The following R3HCC1L variants were observed in gnomAD, a reference collection of about 807,000 sequenced individuals.
The protein encoded by R3HCC1L is coiled-coil domain-containing protein R3HCC1L.
In R3HCC1L, 51 loss-of-function variants were observed where a neutral mutation model predicts 59.9. That is an observed-to-expected ratio of 0.85 (90% CI 0.68 to 1.07). The LOEUF (loss-of-function observed/expected upper bound fraction) is 1.07. Among genes scored for constraint, R3HCC1L ranks in the 50% least tolerant of loss-of-function variants. R3HCC1L has a pLI of 0.00. For synonymous variants in R3HCC1L, 322 were observed against 315.2 expected (o/e 1.02, Z -0.23); for missense variants, 965 against 933.0 (o/e 1.03, Z -0.45).
Position 98,244,137 on chromosome 10 carries a change from C to G in R3HCC1L, c.2316C>G (p.Gly772=), listed in dbSNP as rs1857852783. The part of the protein sequence containing the change: ...EAKQREDIWE[G]RDQSTV Reference sequence around the variant, plus strand: ...AGCAACGGGAAGACATCTGGGAAGGCAGAGACCAGTCTACAGTTTGAACAT... The same window carrying G: ...AGCAACGGGAAGACATCTGGGAAGGGAGAGACCAGTCTACAGTTTGAACAT... The change falls in exon 10 of 10, where the codon GGC becomes GGG. Residue 772 remains glycine, a synonymous_variant. Transcript: ENST00000298999. The G allele has an allele frequency of 1.9e-6, 3 of 1,613,812 alleles. No homozygotes were observed. Among genetic ancestry groups the G allele is most frequent in the Non-Finnish European group, 2.5e-6 (3 of 1,179,846 alleles).
chr10:98,139,576 G>A (rs1844929194), intron 1 of R3HCC1L, among the ~76,000 whole-genome samples: 1 of 152,222 alleles, frequency 6.6e-6, no homozygotes, highest in Non-Finnish European at 1.5e-5. Context: ...GAGCCCAGCA[G>A]GATGGATGAA....
At chr10:98,222,549 G>A (rs1305043506) in intron 5 of R3HCC1L, among the ~76,000 whole-genome samples, 54 of 152,058 alleles carry the variant, frequency 3.6e-4, no homozygotes, top group South Asian at 3.1e-3. Flanking sequence ...TTTGAAATAC[G>A]TCCCATCAAT....
intron 5 of R3HCC1L, among the ~76,000 whole-genome samples, chr10:98,225,797 T>A (rs1470970482): frequency 6.6e-6 from 1 of 152,176 alleles, no homozygotes; most frequent in Non-Finnish European, 1.5e-5. Context: ...CAAAGGAGCA[T>A]AATCAAATTT....
rs568717900 is a variant in R3HCC1L, at chr10:98,148,500, C to G, written c.-267-7593C>G. ...GAAAGGCTTTCAGTTTTTCCCTATT[C>G]AGTGTGGTATTAGCTGTGGGTTTGT... On this transcript the variant is annotated intron_variant, in intron 1 of 9. Coordinates refer to ENST00000298999, the MANE Select transcript of R3HCC1L (RefSeq NM_001351015.2). Among the ~76,000 whole-genome samples the G allele has an allele frequency of 1.2e-3, 188 of 152,186 alleles. 1 individual carries two copies. Among genetic ancestry groups the G allele is most frequent in the African/African-American group, 4.4e-3 (183 of 41,544 alleles).
intron 4 of R3HCC1L, among the ~76,000 whole-genome samples, chr10:98,207,726 C>T (rs943991919): frequency 4.6e-5 from 7 of 151,796 alleles, no homozygotes; most frequent in Admixed American, 1.3e-4. Context: ...AAAAAAAGGC[C>T]GGGCACAGTG....
intron 5 of R3HCC1L, among the ~76,000 whole-genome samples, chr10:98,226,455 G>A (rs915741127): frequency 6.6e-6 from 1 of 152,328 alleles, no homozygotes; most frequent in South Asian, 2.1e-4. Context: ...ATCTACTGGA[G>A]AACTTAATAT....
chr10:98,236,697 T>A (rs1253957579), intron 9 of R3HCC1L, among the ~76,000 whole-genome samples: 1 of 152,232 alleles, frequency 6.6e-6, no homozygotes, highest in Non-Finnish European at 1.5e-5. Context: ...GTCTTCTGAT[T>A]ATTTTCCAGT....
At chr10:98,165,428 A>T (rs1847845312) in intron 4 of R3HCC1L, among the ~76,000 whole-genome samples, 1 of 152,178 alleles carries the variant, frequency 6.6e-6, no homozygotes, top group Admixed American at 6.5e-5. Flanking sequence ...CTTTTCCAGG[A>T]ATTATTATAG....
chr10:98,225,374 A>G (rs751052870), intron 5 of R3HCC1L, among the ~76,000 whole-genome samples: 10 of 152,054 alleles, frequency 6.6e-5, no homozygotes, highest in Non-Finnish European at 1.5e-4. Context: ...TCTCCCTTTT[A>G]TGCCACAAAT....
intron 5 of R3HCC1L, among the ~76,000 whole-genome samples, chr10:98,215,056 G>A (rs1193433229): frequency 2.6e-5 from 4 of 152,128 alleles, no homozygotes; most frequent in African/African-American, 9.7e-5. Context: ...TTCTAGCCCT[G>A]CGCTCTTTCC....
Position 98,208,956 on chromosome 10 carries a change from G to C in R3HCC1L, c.842G>C (p.Cys281Ser), listed in dbSNP as rs1853141126. Residue 281 changes from cysteine to serine, a missense_variant, in exon 5 of 10, where the codon TGC (cysteine) becomes TCC (serine). Transcript: ENST00000298999. ...CCAGATGGTGTCTTTGATCAAACTT[G>C]CGTAGATTTTGAAGTTGAGAGTGTA... ...GSPDGVFDQT[C>S]VDFEVESVGG... 17 of 1,613,956 alleles carry C rather than the reference G, an allele frequency of 1.1e-5. No homozygotes were observed. The highest frequency in any genetic ancestry group is 1.4e-5 in the Non-Finnish European group (16 of 1,179,976).
intron 4 of R3HCC1L, among the ~76,000 whole-genome samples, chr10:98,198,349 A>T (rs1244203015): frequency 1.3e-5 from 2 of 152,146 alleles, no homozygotes; most frequent in South Asian, 2.1e-4. Flanking sequence ...CCATGCCTTT[A>T]CAAATGGACA....
chr10:98,175,586 T>C (rs1441855605), intron 4 of R3HCC1L, among the ~76,000 whole-genome samples: 1 of 152,190 alleles, frequency 6.6e-6, no homozygotes, highest in Non-Finnish European at 1.5e-5. Context: ...ATAAATGATT[T>C]TGAGCATCTT....
At chr10:98,210,038 A>G (rs1286217512) in intron 5 of R3HCC1L, 139 bp downstream of exon 5, 2 of 650,502 alleles carry the variant, frequency 3.1e-6, no homozygotes, top group East Asian at 5.6e-5. Flanking sequence ...GATTAAGAAG[A>G]GAATATCTGA....
At chr10:98,199,665 T>G (rs1851832169) in intron 4 of R3HCC1L, among the ~76,000 whole-genome samples, 1 of 152,056 alleles carries the variant, frequency 6.6e-6, no homozygotes, top group Admixed American at 6.5e-5. Flanking sequence ...TTGAGAAAAT[T>G]AGTATTTGGA....
At chr10:98,190,235 A>T (rs1018845533) in intron 4 of R3HCC1L, among the ~76,000 whole-genome samples, 1 of 152,224 alleles carries the variant, frequency 6.6e-6, no homozygotes, top group Non-Finnish European at 1.5e-5. Context: ...TTGAATCCAT[A>T]GACCCATGGA....
At chr10:98,231,027 A>G in intron 5 of R3HCC1L, 1 of 423,768 alleles carries the variant, frequency 2.4e-6, no homozygotes. Context: ...CCTTTAATAC[A>G]TTCAACAAAA....
At chr10:98,169,641 G>A (rs1191507995) in intron 4 of R3HCC1L, among the ~76,000 whole-genome samples, 1 of 152,182 alleles carries the variant, frequency 6.6e-6, no homozygotes, top group Non-Finnish European at 1.5e-5. Flanking sequence ...ATATGTCATT[G>A]TTCTCTTGGG....
At chr10:98,148,764 T>C (rs1466709923) in intron 1 of R3HCC1L, among the ~76,000 whole-genome samples, 1 of 152,208 alleles carries the variant, frequency 6.6e-6, no homozygotes, top group East Asian at 1.9e-4. Flanking sequence ...ATCTTTTTAA[T>C]GTGTTGTTGA....
Sources: gnomAD v4.1 joint callset for allele counts (sites outside exome capture counted in the v4.1 genomes callset) on GRCh38, gnomAD v4.1.1 for gene constraint, MANE v1.5 for transcripts, NCBI Gene and HGNC (gene_info 2026-07-23, HGNC 2026-07-21) for gene names.